The following PPP2R2C variants were observed in gnomAD, a reference collection of about 807,000 sequenced individuals.
PPP2R2C encodes the protein protein phosphatase 2 regulatory subunit Bgamma.
In PPP2R2C, 10 loss-of-function variants were observed where a neutral mutation model predicts 45.3. The ratio of observed to expected loss-of-function variants is 0.22; its 90% CI spans 0.14 to 0.37. PPP2R2C has a LOEUF of 0.37. PPP2R2C is among the 10% of genes least tolerant of loss of function. The pLI is 1.00. For synonymous variants in PPP2R2C, 257 were observed against 245.4 expected (o/e 1.05, Z -0.44); for missense variants, 308 against 619.7 (o/e 0.50, Z 5.34).
chr4:6,481,059 T>C (rs1722330444), intron 2 of PPP2R2C, among the ~76,000 whole-genome samples: 1 of 152,266 alleles, frequency 6.6e-6, no homozygotes, highest in Non-Finnish European at 1.5e-5. Context: ...GCTGTTTATA[T>C]GTGTTGCAAA....
At chr4:6,496,485 G>A (rs1451247590) in intron 2 of PPP2R2C, among the ~76,000 whole-genome samples, 1 of 152,172 alleles carries the variant, frequency 6.6e-6, no homozygotes, top group Non-Finnish European at 1.5e-5. Flanking sequence ...GGAGGGAAGG[G>A]CCATGTTAGG....
At chr4:6,398,345 T>A (rs550869183) in intron 1 of PPP2R2C, among the ~76,000 whole-genome samples, 53 of 152,304 alleles carry the variant, frequency 3.5e-4, no homozygotes, top group African/African-American at 1.1e-3. Context: ...ATATTCGTAG[T>A]ACATGTATCT....
chr4:6,384,020 A>C, intron 1 of PPP2R2C: 3 of 985,550 alleles, frequency 3.0e-6, no homozygotes, highest in Non-Finnish European at 3.6e-6. Flanking sequence ...ATGTCACTGA[A>C]CTTAAAAAGA....
Position 6,368,873 on chromosome 4 carries a change from C to T in PPP2R2C, c.625+3650G>A, listed in dbSNP as rs143011292. ...ACACCTCCAAAGCTGGCTAGTGACACGCCCCTGTTTACAGTACATCAATAG... is the reference window on the plus strand; with the variant it reads ...ACACCTCCAAAGCTGGCTAGTGACATGCCCCTGTTTACAGTACATCAATAG... On this transcript the variant is annotated intron_variant, in intron 5 of 8. Transcript: ENST00000382599. The surrounding 1 kb of genome is among the most constrained non-coding windows in gnomAD (Gnocchi z 4.2). Among the ~76,000 whole-genome samples, 27 of 152,280 alleles carry T rather than the reference C, an allele frequency of 1.8e-4. No homozygotes were observed. In the East Asian group the frequency reaches 4.6e-3, roughly 26 times the overall value.
intron 1 of PPP2R2C, among the ~76,000 whole-genome samples, chr4:6,390,436 G>A (rs1013675474): frequency 6.6e-6 from 1 of 152,224 alleles, no homozygotes; most frequent in African/African-American, 2.4e-5. Context: ...GCCACCGGCA[G>A]GTAGAAGGCG....
rs192039098 is a variant in PPP2R2C at position 6,467,111 on chromosome 4, G to A, written c.70+5049C>T. On this transcript the variant is annotated intron_variant, in intron 1 of 8. Transcript: ENST00000382599. Reference sequence around the variant, plus strand: ...CAGCACTGAAATGGAGCCCACACTCGCTGTGAAGCCCAAGGGAAGCTTATG... The same window carrying A: ...CAGCACTGAAATGGAGCCCACACTCACTGTGAAGCCCAAGGGAAGCTTATG... Among the ~76,000 whole-genome samples, 145 of 152,234 alleles carry A rather than the reference G, an allele frequency of 9.5e-4. 1 individual carries two copies. Among genetic ancestry groups the A allele is most frequent in the African/African-American group, 3.3e-3 (138 of 41,550 alleles).
At chr4:6,350,108 G>A in intron 5 of PPP2R2C, 1 of 985,410 alleles carries the variant, frequency 1.0e-6, no homozygotes, top group East Asian at 1.1e-4. Context: ...ATCACTGCCT[G>A]GCTGGTTTCC....
rs1732168381 is a variant in PPP2R2C at position 6,328,879 on chromosome 4, G to A, written c.1052+383C>T. Among the ~76,000 whole-genome samples, 2 of 152,204 alleles carry A rather than the reference G, an allele frequency of 1.3e-5. No individual in the cohort carries two copies. The highest frequency in any genetic ancestry group is 4.1e-4 in the South Asian group (2 of 4,830). On this transcript the variant is annotated intron_variant, in intron 8 of 8. Transcript: ENST00000382599. This position sits in a 1 kb window ranked among gnomAD's most constrained non-coding sequence, Gnocchi z 4.4. ...ATGGTCAAAGCCACAGGGGTGCAGGGCTGTCTCAGGACATACAGGTGTGGA... is the reference window on the plus strand; with the variant it reads ...ATGGTCAAAGCCACAGGGGTGCAGGACTGTCTCAGGACATACAGGTGTGGA...
chr4:6,540,083 T>C (rs992031982), intron 1 of PPP2R2C, among the ~76,000 whole-genome samples: 24 of 152,246 alleles, frequency 1.6e-4, no homozygotes, highest in African/African-American at 5.5e-4. Context: ...ATAAGCCATA[T>C]ACCACACACT....
chr4:6,382,667 TCTCTCTCTCACACACACACACACACACA>T, intron 1 of PPP2R2C: 1 of 176,100 alleles, frequency 5.7e-6, no homozygotes, highest in South Asian at 4.2e-5. Flanking sequence ...TCTCTCTCTC[TCTCTCTCTCACACACACACACACACACA>T]CACACACACA....
chr4:6,545,531 A>G (rs2108835494), intron 1 of PPP2R2C, among the ~76,000 whole-genome samples: 1 of 152,360 alleles, frequency 6.6e-6, no homozygotes, highest in African/African-American at 2.4e-5. Context: ...CTCAAGGCAG[A>G]GAACCAGACA....
At chr4:6,465,998 A>G (rs1320437721) in intron 1 of PPP2R2C, among the ~76,000 whole-genome samples, 2 of 152,250 alleles carry the variant, frequency 1.3e-5, no homozygotes, top group African/African-American at 4.8e-5. Context: ...AAATATGGGC[A>G]CGTAACACAC....
intron 1 of PPP2R2C, among the ~76,000 whole-genome samples, chr4:6,458,680 C>T (rs564532690): frequency 6.6e-6 from 1 of 151,036 alleles, no homozygotes; most frequent in Non-Finnish European, 1.5e-5. Flanking sequence ...TACAAGCAAT[C>T]AGCAATGGCC....
chr4:6,351,281 C>G, intron 5 of PPP2R2C: 1 of 770,572 alleles, frequency 1.3e-6, no homozygotes, highest in Non-Finnish European at 1.6e-6. Flanking sequence ...CCACTGCACT[C>G]CAGACTGGGT....
Position 6,333,586 on chromosome 4 carries a change from C to T in PPP2R2C, c.936G>A (p.Glu312=), listed in dbSNP as rs759559815. The T allele has an allele frequency of 1.1e-5, 18 of 1,614,018 alleles. No homozygotes were observed. Among genetic ancestry groups the T allele is most frequent in the Admixed American group, 3.3e-5 (2 of 60,002 alleles). ...CCTGGTAGGTCTCTATGGGTCTTGC[C>T]TCCATGTTCAGGTCCCAGACCTTGA... ...LTVKVWDLNM[E]ARPIETYQVH... Residue 312 remains glutamate, a synonymous_variant, in exon 7 of 9, where the codon GAG becomes GAA. Transcript: ENST00000382599.
intron 2 of PPP2R2C, among the ~76,000 whole-genome samples, chr4:6,504,301 T>C (rs1723152352): frequency 6.6e-6 from 1 of 152,178 alleles, no homozygotes; most frequent in Admixed American, 6.5e-5. Flanking sequence ...AGGGGGACAT[T>C]TTACAGTCTG....
At position 6,551,820 on chromosome 4, in the gene PPP2R2C, G is replaced by A. The variant is rs189949103; in HGVS notation, c.-59+11740C>T. Among the ~76,000 whole-genome samples, 6 of 152,322 alleles carry A rather than the reference G, an allele frequency of 3.9e-5. No homozygotes were observed. In the East Asian group the frequency reaches 5.8e-4, roughly 15 times the overall value. ...ATCCTCCAGCTGAACACCAACAAGC[G>A]ACCTCGGTGTAGGCAACATGCAGCA... On this transcript the variant is annotated intron_variant, in intron 1 of 9. Transcript: ENST00000506140.
chr4:6,438,279 G>A (rs897567147), intron 1 of PPP2R2C, among the ~76,000 whole-genome samples: 6 of 152,136 alleles, frequency 3.9e-5, no homozygotes, highest in East Asian at 1.9e-4. Context: ...TGGTTCAAAC[G>A]CAGCCTTTCT....
At chr4:6,344,733 A>G (rs1711673354) in intron 6 of PPP2R2C, among the ~76,000 whole-genome samples, 1 of 152,204 alleles carries the variant, frequency 6.6e-6, no homozygotes, top group Non-Finnish European at 1.5e-5. Context: ...TTCTTTCCAG[A>G]GTTTTCTCTG....
Sources: gnomAD v4.1 joint callset for allele counts (sites outside exome capture counted in the v4.1 genomes callset) on GRCh38, gnomAD v4.1.1 for gene constraint, Gnocchi (gnomAD v3.1) non-coding constraint, MANE v1.5 for transcripts, NCBI Gene and HGNC (gene_info 2026-07-23, HGNC 2026-07-21) for gene names.